The following DIAPH3 variants were observed in gnomAD, a reference collection of about 807,000 sequenced individuals.
DIAPH3 encodes the protein diaphanous related formin 3.
In DIAPH3, 117 loss-of-function variants were observed where a neutral mutation model predicts 144.3. The observed-to-expected ratio is 0.81, with a 90% CI of 0.70 to 0.95. The LOEUF is 0.95. Ranked by LOEUF, DIAPH3 falls within the 40% of genes least tolerant of loss-of-function variation. The pLI, the probability that DIAPH3 is intolerant of heterozygous loss-of-function variation, is 0.00. For synonymous variants in DIAPH3, 519 were observed against 488.9 expected (o/e 1.06, Z -0.81); for missense variants, 1,421 against 1,412.7 (o/e 1.01, Z -0.09).
At chr13:59,952,450 A>G (rs1417870223) in intron 17 of DIAPH3, among the ~76,000 whole-genome samples, 2 of 152,232 alleles carry the variant, frequency 1.3e-5, no homozygotes, top group African/African-American at 4.8e-5. Flanking sequence ...AAAATGTGTT[A>G]GAGTATGTTT....
chr13:59,694,401 T>C (rs2033686861), intron 27 of DIAPH3, among the ~76,000 whole-genome samples: 1 of 152,176 alleles, frequency 6.6e-6, no homozygotes, highest in African/African-American at 2.4e-5. Context: ...CAGTTCTTAG[T>C]TGAAAAATTT....
At chr13:59,705,080 AT>A (rs917020750) in intron 27 of DIAPH3, among the ~76,000 whole-genome samples, 21 of 151,990 alleles carry the variant, frequency 1.4e-4, no homozygotes, top group Non-Finnish European at 2.9e-4. Flanking sequence ...AGAAAACAGA[AT>A]TTTTTTTACC....
chr13:60,110,101 A>G (rs534016187), intron 3 of DIAPH3, among the ~76,000 whole-genome samples: 40 of 152,324 alleles, frequency 2.6e-4, no homozygotes, highest in African/African-American at 8.9e-4. Flanking sequence ...TTCATTAAGT[A>G]ATCAAGTCAG....
chr13:60,087,594 G>A (rs969891727), intron 4 of DIAPH3, among the ~76,000 whole-genome samples: 1 of 152,106 alleles, frequency 6.6e-6, no homozygotes, highest in Non-Finnish European at 1.5e-5. Context: ...TAAAAAGTCT[G>A]AGGAAGAACT....
rs758970477 is a variant in DIAPH3, at chr13:59,970,061, ACAAT to A, written c.1960-7_1960-4del. ...TCAGTCATTTCATGAGGTCTGATCT[ACAAT>A]CAGAGAGAAGACTGATTCATCAATA... On this transcript the variant is annotated splice_polypyrimidine_tract_variant and splice_region_variant and intron_variant, in intron 16 of 27. Transcript: ENST00000400324. 2.3e-5 allele frequency: 36 copies of A among 1,533,600 alleles called. No individual in the cohort carries two copies. The highest frequency in any genetic ancestry group is 1.5e-4 in the African/African-American group (11 of 73,310). The allele number at this position is 1,533,600 out of a possible 1,614,324, so 95.0% of individuals were successfully genotyped here.
At chr13:60,007,861 C>T (rs2052980330) in intron 9 of DIAPH3, among the ~76,000 whole-genome samples, 2 of 152,106 alleles carry the variant, frequency 1.3e-5, no homozygotes, top group African/African-American at 4.8e-5. Context: ...CTCAACTTTT[C>T]AGTTATTAAA....
chr13:60,120,256 T>G (rs2058813367), intron 2 of DIAPH3, among the ~76,000 whole-genome samples: 1 of 152,178 alleles, frequency 6.6e-6, no homozygotes, highest in Non-Finnish European at 1.5e-5. Flanking sequence ...CATCACTGGT[T>G]TTACAAAGAT....
At chr13:59,669,671 C>CA (rs2032243594) in intron 27 of DIAPH3, among the ~76,000 whole-genome samples, 1 of 152,130 alleles carries the variant, frequency 6.6e-6, no homozygotes, top group Non-Finnish European at 1.5e-5. Flanking sequence ...TTTCTTTCTC[C>CA]AGGTGCTCAT....
At chr13:60,162,675 CTAAA>C (rs1052092743) in intron 1 of DIAPH3, among the ~76,000 whole-genome samples, 4 of 152,050 alleles carry the variant, frequency 2.6e-5, no homozygotes, top group Admixed American at 6.6e-5. Flanking sequence ...TTATTTTTAA[CTAAA>C]TGTTATAGTT....
intron 18 of DIAPH3, among the ~76,000 whole-genome samples, chr13:59,922,405 T>A (rs1416874129): frequency 6.6e-6 from 1 of 152,080 alleles, no homozygotes; most frequent in African/African-American, 2.4e-5. Context: ...GACAAGTAGA[T>A]AAATGAATGA....
intron 17 of DIAPH3, among the ~76,000 whole-genome samples, chr13:59,955,631 C>G (rs974953488): frequency 1.5e-4 from 23 of 152,050 alleles, no homozygotes; most frequent in Admixed American, 1.5e-3. Flanking sequence ...GGATAACAGG[C>G]AGAGGTTGGA....
intron 21 of DIAPH3, among the ~76,000 whole-genome samples, chr13:59,875,670 T>C (rs957898161): frequency 2.6e-5 from 4 of 152,138 alleles, no homozygotes; most frequent in Admixed American, 1.3e-4. Flanking sequence ...GAAGTGAAGT[T>C]TGCACATCAC....
At chr13:60,056,376 G>A (rs2056558653) in intron 4 of DIAPH3, among the ~76,000 whole-genome samples, 1 of 151,600 alleles carries the variant, frequency 6.6e-6, no homozygotes, top group Non-Finnish European at 1.5e-5. Context: ...AGATGGGTAT[G>A]TGTATACAAA....
intron 2 of DIAPH3, among the ~76,000 whole-genome samples, chr13:60,132,351 G>A (rs1392655909): frequency 4.6e-5 from 7 of 152,030 alleles, no homozygotes; most frequent in African/African-American, 1.7e-4. Flanking sequence ...CATATTTTTG[G>A]TGTCATTGTT....
intron 27 of DIAPH3, among the ~76,000 whole-genome samples, chr13:59,750,417 A>G (rs947532873): frequency 6.6e-6 from 1 of 152,172 alleles, no homozygotes; most frequent in African/African-American, 2.4e-5. Flanking sequence ...ACCTACAGCA[A>G]TTAGGTTTTA....
intron 20 of DIAPH3, among the ~76,000 whole-genome samples, chr13:59,891,995 G>A (rs75458556): frequency 0.064 from 9,683 of 151,712 alleles, 449 homozygotes; most frequent in East Asian, 0.28. Context: ...AGGACCTGAA[G>A]ATTCATATTA....
At chr13:59,867,764 T>C (rs1171221411) in intron 21 of DIAPH3, among the ~76,000 whole-genome samples, 1 of 152,126 alleles carries the variant, frequency 6.6e-6, no homozygotes, top group African/African-American at 2.4e-5. Flanking sequence ...CTGCAAAAGA[T>C]ATAAAACAGC....
At chr13:60,012,951 A>C in intron 7 of DIAPH3, 1 of 961,082 alleles carries the variant, frequency 1.0e-6, no homozygotes, top group South Asian at 4.8e-5. Context: ...ATCTATAAAT[A>C]CAGAATTGCT....
chr13:60,123,891 G>T (rs2058913759), intron 2 of DIAPH3, among the ~76,000 whole-genome samples: 1 of 152,096 alleles, frequency 6.6e-6, no homozygotes, highest in South Asian at 2.1e-4. Flanking sequence ...ATAATTCTAG[G>T]TTGAGCCTTT....
Sources: allele counts gnomAD v4.1 joint callset (sites outside exome capture counted in the v4.1 genomes callset), GRCh38; gene constraint gnomAD v4.1.1; transcripts MANE v1.5; gene names NCBI Gene and HGNC (gene_info 2026-07-23, HGNC 2026-07-21).